SHANK2: variants seen among roughly 807,000 people sequenced by gnomAD.
SHANK2 encodes SH3 and multiple ankyrin repeat domains protein 2.
SHANK2 carries 43 observed loss-of-function variants against 133.7 expected under a neutral mutation model. The ratio of observed to expected loss-of-function variants is 0.32; its 90% CI spans 0.25 to 0.41. The LOEUF (loss-of-function observed/expected upper bound fraction) is 0.41. Among genes scored for constraint, SHANK2 ranks in the 10% least tolerant of loss-of-function variants. The pLI is 1.00. For synonymous variants in SHANK2, 1,017 were observed against 952.8 expected (o/e 1.07, Z -1.24); for missense variants, 1,994 against 2,235.8 (o/e 0.89, Z 2.18).
At chr11:70,548,403 A>G (rs2059722020) in intron 17 of SHANK2, among the ~76,000 whole-genome samples, 2 of 152,212 alleles carry the variant, frequency 1.3e-5, no homozygotes, top group Non-Finnish European at 2.9e-5. Context: ...TGCCTAGCCC[A>G]AGTCCCATCC....
intron 17 of SHANK2, among the ~76,000 whole-genome samples, chr11:70,628,762 G>A (rs1049809999): frequency 1.3e-5 from 2 of 152,166 alleles, no homozygotes; most frequent in Non-Finnish European, 1.5e-5. Flanking sequence ...CCGAAGTTTC[G>A]GCCCACCTGC....
At chr11:70,950,204 T>C (rs1210130819) in intron 10 of SHANK2, 1 of 447,486 alleles carries the variant, frequency 2.2e-6, no homozygotes, top group African/African-American at 2.0e-5. Flanking sequence ...GATTACAGGA[T>C]TTCGCTCTAT....
intron 2 of SHANK2, among the ~76,000 whole-genome samples, chr11:71,186,249 C>T (rs1398725312): frequency 1.3e-5 from 2 of 152,260 alleles, no homozygotes; most frequent in African/African-American, 2.4e-5. Flanking sequence ...TCAACACCTG[C>T]TGATGTCTTC....
At chr11:70,757,960 T>C (rs1386976895) in intron 14 of SHANK2, among the ~76,000 whole-genome samples, 4 of 152,138 alleles carry the variant, frequency 2.6e-5, no homozygotes, top group Non-Finnish European at 5.9e-5. Context: ...GGGCTCCTTC[T>C]GGAGGTGAGA....
At chr11:70,555,360 G>A (rs781856783) in intron 17 of SHANK2, among the ~76,000 whole-genome samples, 1 of 152,254 alleles carries the variant, frequency 6.6e-6, no homozygotes, top group Non-Finnish European at 1.5e-5. Context: ...AGGAAGGCAT[G>A]TTGAAAGCTG....
intron 12 of SHANK2, among the ~76,000 whole-genome samples, chr11:70,815,175 A>AAC (rs61610592): frequency 0.02 from 2,434 of 119,536 alleles, 38 homozygotes; most frequent in East Asian, 0.033. Flanking sequence ...TGGGAGAAGA[A>AAC]ACACACACAC....
intron 10 of SHANK2, among the ~76,000 whole-genome samples, chr11:70,938,274 AC>A (rs1196483277): frequency 6.6e-6 from 1 of 152,014 alleles, no homozygotes; most frequent in East Asian, 1.9e-4. Context: ...CACAACTTTA[AC>A]CCCTTTGAGC....
chr11:70,928,433 A>AT, intron 10 of SHANK2, among the ~76,000 whole-genome samples: 1 of 152,158 alleles, frequency 6.6e-6, no homozygotes. Flanking sequence ...CCTAAGATGC[A>AT]TTTTTTGACA....
chr11:70,873,305 G>C (rs560854864), intron 11 of SHANK2, among the ~76,000 whole-genome samples: 4 of 152,242 alleles, frequency 2.6e-5, no homozygotes, highest in Non-Finnish European at 5.9e-5. Flanking sequence ...GGGCAGGTGA[G>C]AGCTGACAAG....
Position 71,248,948 on chromosome 11 carries a change from G to C in SHANK2, c.-113+3477C>G, listed in dbSNP as rs138714477. Among the ~76,000 whole-genome samples the C allele has an allele frequency of 1.7e-3, 256 of 152,268 alleles. 2 individuals carry two copies. Among genetic ancestry groups the C allele is most frequent in the African/African-American group, 6.0e-3 (250 of 41,550 alleles). On this transcript the variant is annotated intron_variant, in intron 1 of 25. Transcript: ENST00000601538. The stretch of plus-strand genomic sequence containing the variant: ...CCCCATTATCCTAGAAGCTCCCGGA[G>C]GCAGCCCTTGTGGCCAGTCCAGGCT...
intron 10 of SHANK2, among the ~76,000 whole-genome samples, chr11:70,935,619 G>T (rs117977684): frequency 0.014 from 2,135 of 152,216 alleles, 25 homozygotes; most frequent in Middle Eastern, 0.031. Flanking sequence ...TTCTGAAACT[G>T]GGATGCTAAC....
intron 8 of SHANK2, among the ~76,000 whole-genome samples, chr11:71,089,385 T>C (rs997425410): frequency 1.3e-5 from 2 of 152,108 alleles, no homozygotes; most frequent in Non-Finnish European, 1.5e-5. Context: ...CAGAACACTG[T>C]CAGGCCTGCT....
intron 17 of SHANK2, among the ~76,000 whole-genome samples, chr11:70,601,373 C>G (rs1469923315): frequency 6.6e-6 from 1 of 152,176 alleles, no homozygotes; most frequent in Non-Finnish European, 1.5e-5. Context: ...GCGCATGCCA[C>G]CACACCCAGC....
At chr11:70,815,952 G>A (rs895204) in intron 12 of SHANK2, among the ~76,000 whole-genome samples, 32,518 of 152,138 alleles carry the variant, frequency 0.21, 5,153 homozygotes, top group African/African-American at 0.44. Flanking sequence ...CAGGACAGTC[G>A]GCCTCCTCCT....
At chr11:70,554,142 C>T (rs1162769517) in intron 17 of SHANK2, among the ~76,000 whole-genome samples, 1 of 152,188 alleles carries the variant, frequency 6.6e-6, no homozygotes, top group Non-Finnish European at 1.5e-5. Context: ...CGAGTCCAGC[C>T]CCTGTCCCCA....
intron 17 of SHANK2, among the ~76,000 whole-genome samples, chr11:70,606,601 T>TG (rs1314284661): frequency 2.8e-5 from 4 of 144,424 alleles, no homozygotes; most frequent in East Asian, 2.2e-4. Flanking sequence ...AGGTCCTTTG[T>TG]GGGGGGCCAA....
At chr11:70,563,892 G>A (rs140103942) in intron 17 of SHANK2, among the ~76,000 whole-genome samples, 1 of 152,212 alleles carries the variant, frequency 6.6e-6, no homozygotes, top group East Asian at 1.9e-4. Context: ...AAATAATTCT[G>A]TTTGAATTAT....
At chr11:70,749,061 G>A (rs1555036909) in intron 14 of SHANK2, among the ~76,000 whole-genome samples, 1 of 152,242 alleles carries the variant, frequency 6.6e-6, no homozygotes, top group African/African-American at 2.4e-5. Context: ...GGGCTCAGGT[G>A]TTAGTTTGCA....
At chr11:71,167,754 C>A (rs7936864) in intron 2 of SHANK2, among the ~76,000 whole-genome samples, 2 of 123,142 alleles carry the variant, frequency 1.6e-5, no homozygotes, top group African/African-American at 3.3e-5. Context: ...CGGGCAGAGG[C>A]GTCCCTCACC....
Sources: gnomAD v4.1 joint callset for allele counts (sites outside exome capture counted in the v4.1 genomes callset) on GRCh38, gnomAD v4.1.1 for gene constraint, MANE v1.5 for transcripts, NCBI Gene and HGNC (gene_info 2026-07-23, HGNC 2026-07-21) for gene names.